FLNB: variants seen among roughly 807,000 people sequenced by gnomAD.
The protein encoded by FLNB is filamin B, also known as filamin-B.
A neutral mutation model predicts 250.6 loss-of-function variants in FLNB; 111 were observed. That is an observed-to-expected ratio of 0.44 (90% CI 0.38 to 0.52). The LOEUF (loss-of-function observed/expected upper bound fraction) is 0.52. FLNB is among the 20% of genes least tolerant of loss of function. FLNB has a pLI of 0.00. For missense variants in FLNB, 2,869 were observed against 3,447.8 expected (o/e 0.83, Z 4.20); for synonymous variants, 1,302 against 1,372.1 (o/e 0.95, Z 1.13).
At chr3:58,075,025 C>CT (rs34664964) in intron 1 of FLNB, among the ~76,000 whole-genome samples, 3 of 151,928 alleles carry the variant, frequency 2.0e-5, no homozygotes, top group Non-Finnish European at 2.9e-5. Context: ...TAAAGAGGGT[C>CT]TTTTTTTGCA....
chr3:58,107,611 G>A (rs989180916), intron 12 of FLNB, among the ~76,000 whole-genome samples: 2 of 152,118 alleles, frequency 1.3e-5, no homozygotes, highest in African/African-American at 4.8e-5. Flanking sequence ...TTATTTCAAG[G>A]TGCTCCATAG....
chr3:58,063,241 A>G (rs2097180970), intron 1 of FLNB, among the ~76,000 whole-genome samples: 1 of 152,188 alleles, frequency 6.6e-6, no homozygotes, highest in Non-Finnish European at 1.5e-5. Context: ...CAGTTACTTC[A>G]GCCAGCGACC....
At chr3:58,033,573 G>T (rs2097133911) in intron 1 of FLNB, among the ~76,000 whole-genome samples, 2 of 152,074 alleles carry the variant, frequency 1.3e-5, no homozygotes, top group Non-Finnish European at 2.9e-5. Context: ...TGTATTTTTA[G>T]TAAAGATGGG....
chr3:58,036,036 C>T (rs2097137703), intron 1 of FLNB, among the ~76,000 whole-genome samples: 2 of 152,168 alleles, frequency 1.3e-5, no homozygotes, highest in African/African-American at 4.8e-5. Flanking sequence ...TGACTCAAGA[C>T]TTAGGACAGA....
chr3:58,115,902 A>G (rs1432326360), intron 18 of FLNB, among the ~76,000 whole-genome samples: 1 of 152,006 alleles, frequency 6.6e-6, no homozygotes, highest in African/African-American at 2.4e-5. Flanking sequence ...AGCTGGGTTT[A>G]TTGTTTCATT....
intron 8 of FLNB, among the ~76,000 whole-genome samples, chr3:58,100,373 A>AAAATATATATATAT: frequency 9.6e-6 from 1 of 104,386 alleles, no homozygotes; most frequent in African/African-American, 4.6e-5. Flanking sequence ...GTAAAAAAAA[A>AAAATATATATATAT]ATATATATAT....
In FLNB at chr3:58,169,560, A is replaced by AT; in HGVS notation, c.7418-29dup. ...GAGACCCCTCTTGATCTGGCCATTCATGCCTGTCCCCCTCCCTCCTGTATC... is the reference window on the plus strand; with the variant it reads ...GAGACCCCTCTTGATCTGGCCATTCATTGCCTGTCCCCCTCCCTCCTGTATC... On this transcript the variant is annotated intron_variant, in intron 44 of 45. Transcript: ENST00000295956. This position sits in a 1 kb window ranked among gnomAD's most constrained non-coding sequence, Gnocchi z 4.8. 1 of 1,589,606 alleles carries AT rather than the reference A, an allele frequency of 6.3e-7. No homozygotes were observed. The highest frequency in any genetic ancestry group is 8.6e-7 in the Non-Finnish European group (1 of 1,157,690).
chr3:58,111,751 C>G (rs1463126733), intron 16 of FLNB, 40 bp from the exon 17 acceptor site: 8 of 1,497,894 alleles, frequency 5.3e-6, no homozygotes, highest in Non-Finnish European at 6.5e-6. Context: ...CTGGCTGTTG[C>G]TTCAGGGGCT....
chr3:58,134,845 G>T, intron 27 of FLNB, 73 bp downstream of exon 27: 6 of 1,419,182 alleles, frequency 4.2e-6, no homozygotes, highest in Admixed American at 3.6e-5. Flanking sequence ...TAAGAACAAG[G>T]GTTTCAATAA....
intron 4 of FLNB, among the ~76,000 whole-genome samples, chr3:58,091,080 A>T (rs1052418592): frequency 1.3e-5 from 2 of 151,872 alleles, no homozygotes; most frequent in South Asian, 4.1e-4. Context: ...TCCGTCTCAA[A>T]AAAAAAAAAA....
At chr3:58,076,482 T>C (rs2097201821) in intron 1 of FLNB, among the ~76,000 whole-genome samples, 1 of 152,190 alleles carries the variant, frequency 6.6e-6, no homozygotes, top group Non-Finnish European at 1.5e-5. Context: ...TGAGACAGGG[T>C]CTCACTCTGT....
intron 40 of FLNB, 103 bp downstream of exon 40, chr3:58,155,031 A>T (rs1302947477): frequency 8.5e-7 from 1 of 1,175,250 alleles, no homozygotes; most frequent in Non-Finnish European, 1.3e-6. Context: ...TGAGGAATCT[A>T]TGTGTATGGG....
Position 58,169,241 on chromosome 3 carries a change from C to T in FLNB, c.7418-349C>T. On this transcript the variant is annotated intron_variant, in intron 44 of 45. Coordinates refer to ENST00000295956, the MANE Select transcript of FLNB (RefSeq NM_001457.4). This position sits in a 1 kb window ranked among gnomAD's most constrained non-coding sequence, Gnocchi z 4.8. ...TTTGATATTTCATTATATGTCATCC[C>T]AAACTTTTACACTGCTTATACATAG... 6.9e-6 allele frequency: 2 copies of T among 291,230 alleles called. No individual in the cohort carries two copies. Among genetic ancestry groups the T allele is most frequent in the Non-Finnish European group, 1.3e-5 (2 of 154,310 alleles). The allele number at this position is 291,230 out of a possible 1,614,324, so 18.0% of individuals were successfully genotyped here.
At chr3:58,114,662 G>C (rs1016014987) in intron 18 of FLNB, among the ~76,000 whole-genome samples, 36 of 151,808 alleles carry the variant, frequency 2.4e-4, no homozygotes, top group African/African-American at 8.2e-4. Flanking sequence ...CAGCATGCAA[G>C]GGTCCTGGTT....
intron 1 of FLNB, among the ~76,000 whole-genome samples, chr3:58,061,369 G>T (rs1239666596): frequency 6.6e-6 from 1 of 152,136 alleles, no homozygotes; most frequent in African/African-American, 2.4e-5. Flanking sequence ...TTAAGATGAA[G>T]AGTTCTTCAT....
intron 11 of FLNB, among the ~76,000 whole-genome samples, chr3:58,105,472 T>TA (rs1331522449): frequency 6.6e-6 from 1 of 152,228 alleles, no homozygotes; most frequent in Non-Finnish European, 1.5e-5. Flanking sequence ...TGGAACGTAG[T>TA]AAACACTTAG....
chr3:58,085,053 C>A (rs1437290115), intron 4 of FLNB, among the ~76,000 whole-genome samples: 2 of 152,148 alleles, frequency 1.3e-5, no homozygotes, highest in Non-Finnish European at 2.9e-5. Context: ...ACGTGTATAT[C>A]ACATTTTGCT....
At chr3:58,018,958 T>A in intron 1 of FLNB, among the ~76,000 whole-genome samples, 1 of 99,276 alleles carries the variant, frequency 1.0e-5, no homozygotes. Flanking sequence ...AGATCACATC[T>A]CTACAAAAAA....
At chr3:58,085,388 TTC>T (rs1350335911) in intron 4 of FLNB, among the ~76,000 whole-genome samples, 3 of 152,256 alleles carry the variant, frequency 2.0e-5, no homozygotes, top group African/African-American at 7.2e-5. Context: ...AGTTTTGGTC[TTC>T]TCTGTGTGAC....
Sources: gnomAD v4.1 joint callset for allele counts (sites outside exome capture counted in the v4.1 genomes callset) on GRCh38, gnomAD v4.1.1 for gene constraint, Gnocchi (gnomAD v3.1) non-coding constraint, MANE v1.5 for transcripts, NCBI Gene and HGNC (gene_info 2026-07-23, HGNC 2026-07-21) for gene names.